PCGF2: variants seen among roughly 807,000 people sequenced by gnomAD.
The protein encoded by PCGF2 is polycomb group ring finger 2, also known as polycomb group RING finger protein 2.
Under a neutral mutation model 36.1 loss-of-function variants are expected in PCGF2, and 8 were observed. The ratio of observed to expected loss-of-function variants is 0.22; its 90% CI spans 0.13 to 0.40. The LOEUF is 0.40. Among genes scored for constraint, PCGF2 ranks in the 10% least tolerant of loss-of-function variants. The pLI is 1.00. For synonymous variants in PCGF2, 198 were observed against 191.2 expected (o/e 1.04, Z -0.29); for missense variants, 436 against 475.9 (o/e 0.92, Z 0.78).
In PCGF2 at chr17:38,739,546, C is replaced by T. The variant is rs952631243; in HGVS notation, c.209+40G>A. ...GTGGGAGGGATGGGGGAGGCTGACC[C>T]AGAGGATCGCGGGGACAGGAGGTGC... On this transcript the variant is annotated intron_variant, in intron 4 of 10. Coordinates refer to ENST00000620225, the MANE Select transcript of PCGF2 (RefSeq NM_007144.3). This position sits in a 1 kb window ranked among gnomAD's most constrained non-coding sequence, Gnocchi z 4.0. 3.4e-6 allele frequency: 5 copies of T among 1,480,198 alleles called. No homozygotes were observed. Among genetic ancestry groups the T allele is most frequent in the Non-Finnish European group, 4.7e-6 (5 of 1,057,914 alleles). The allele number at this position is 1,480,198 out of a possible 1,614,324, so 91.7% of individuals were successfully genotyped here. A position where few individuals can be genotyped will look rare whatever the true frequency, so the allele number is the denominator to read the frequency against.
chr17:38,745,129 G>T (rs1015617853), intron 2 of PCGF2, among the ~76,000 whole-genome samples: 4 of 152,158 alleles, frequency 2.6e-5, no homozygotes, highest in Admixed American at 1.3e-4. Flanking sequence ...TCAGGAGATC[G>T]AGACCATCCT....
rs1555625040 is a variant in PCGF2 at position 38,734,527 on chromosome 17, G to GAGAA, written c.*695_*696insTTCT. The GAGAA allele has an allele frequency of 6.9e-6, 1 of 144,264 alleles. No homozygotes were observed. The highest frequency in any genetic ancestry group is 1.5e-5 in the Non-Finnish European group (1 of 65,648). 8.9% of individuals were successfully genotyped at this position (144,264 alleles called of 1,614,324 possible). The stretch of plus-strand genomic sequence containing the variant: ...AATGATGCAAAGGCCACACACACAG[G>GAGAA]AAAAAAAAAAAAAGAGGCAGAACTA... On this transcript the variant is annotated 3_prime_UTR_variant, in exon 11 of 11. Coordinates refer to ENST00000620225, the MANE Select transcript of PCGF2 (RefSeq NM_007144.3).
intron 3 of PCGF2, 64 bp downstream of exon 3, chr17:38,740,227 G>A (rs1355561756): frequency 1.8e-5 from 26 of 1,440,966 alleles, no homozygotes; most frequent in African/African-American, 9.8e-5. Flanking sequence ...TCCTCAGGCC[G>A]TGCCCGCCCC....
In PCGF2 at chr17:38,739,961, G is replaced by A. The variant is rs1209012693; in HGVS notation, c.113-279C>T. Among the ~76,000 whole-genome samples the A allele has an allele frequency of 6.6e-6, 1 of 152,132 alleles. No homozygotes were observed. The highest frequency in any genetic ancestry group is 2.4e-5 in the African/African-American group (1 of 41,420). On this transcript the variant is annotated intron_variant, in intron 3 of 10. Transcript: ENST00000620225. This position sits in a 1 kb window ranked among gnomAD's most constrained non-coding sequence, Gnocchi z 4.0. The stretch of plus-strand genomic sequence containing the variant: ...TGGAGTGGGGGACAAAAGCCAGCGT[G>A]TTCAAGATGCCTCTGAGTCCCACCC...
At chr17:38,749,592 G>C (rs774191590), upstream of PCGF2, 7 of 454,296 alleles carry the variant, frequency 1.5e-5, no homozygotes, top group Non-Finnish European at 1.8e-5. The surrounding 1 kb of genome is among the most constrained non-coding windows in gnomAD (Gnocchi z 6.5). Context: ...TTATCCATCC[G>C]GCCAGCAGCG....
intron 2 of PCGF2, among the ~76,000 whole-genome samples, chr17:38,741,261 ACT>A (rs890123416): frequency 6.6e-6 from 1 of 151,152 alleles, no homozygotes; most frequent in African/African-American, 2.4e-5. Context: ...ACAGAGCGAG[ACT>A]CTGTCTAAAA....
intron 2 of PCGF2, chr17:38,746,684 C>T: frequency 6.5e-6 from 1 of 152,748 alleles, no homozygotes; most frequent in Non-Finnish European, 1.5e-5. Context: ...AGGCCAGGGG[C>T]AGCAGAGTCC....
chr17:38,744,644 C>T (rs1907426772), intron 2 of PCGF2, among the ~76,000 whole-genome samples: 1 of 152,210 alleles, frequency 6.6e-6, no homozygotes, highest in African/African-American at 2.4e-5. Flanking sequence ...GCATGAGCCA[C>T]CACACCCAGA....
At chr17:38,744,162 G>A (rs1475827371) in intron 2 of PCGF2, among the ~76,000 whole-genome samples, 5 of 152,176 alleles carry the variant, frequency 3.3e-5, no homozygotes, top group Non-Finnish European at 7.3e-5. Flanking sequence ...GCAAGGGTGT[G>A]TGTGACCCTT....
chr17:38,749,731 C>A (rs937413936), upstream of PCGF2: 1 of 455,124 alleles, frequency 2.2e-6, no homozygotes, highest in African/African-American at 2.0e-5. This position sits in a 1 kb window ranked among gnomAD's most constrained non-coding sequence, Gnocchi z 6.5. Context: ...CTGGGGGCCT[C>A]GGGTGAATGC....
intron 10 of PCGF2, 59 bp from the exon 11 acceptor site, chr17:38,735,659 C>T: frequency 6.8e-7 from 1 of 1,473,238 alleles, no homozygotes; most frequent in Non-Finnish European, 9.0e-7. Context: ...GAGACAGAGT[C>T]CAACTAAAGG....
Position 38,736,170 on chromosome 17 carries a change from C to A in PCGF2, c.577G>T (p.Val193Leu). 6.4e-7 allele frequency: 1 copy of A among 1,567,870 alleles called. No homozygotes were observed. The highest frequency in any genetic ancestry group is 8.7e-7 in the Non-Finnish European group (1 of 1,155,538). ...GGCTCGTCCTCGTACAGAACCTCCA[C>A]CTGGGGGAGGGAAGCGGAGGACACC... ...NKMDVPSKYK[V>L]EVLYEDEPLK... is the part of the protein sequence containing the mutation. Residue 193 changes from valine to leucine, a missense_variant and splice_region_variant, in exon 10 of 11, where the codon GTG becomes TTG. Around this residue, in one of 3 missense-constraint regions of PCGF2, gnomAD observed 227 missense variants for 212.9 expected, o/e 1.07. Transcript: ENST00000620225.
At chr17:38,742,409 C>A (rs1490950275) in intron 2 of PCGF2, among the ~76,000 whole-genome samples, 6 of 152,230 alleles carry the variant, frequency 3.9e-5, no homozygotes, top group Non-Finnish European at 8.8e-5. Flanking sequence ...AGGACCCAGA[C>A]AGCCAACAGA....
intron 9 of PCGF2, among the ~76,000 whole-genome samples, chr17:38,736,673 A>C (rs956449562): frequency 3.3e-5 from 5 of 152,070 alleles, no homozygotes; most frequent in Admixed American, 2.6e-4. Context: ...TCTCTACTAA[A>C]AATACAAAAA....
intron 9 of PCGF2, among the ~76,000 whole-genome samples, chr17:38,736,723 A>G (rs1906777520): frequency 6.6e-6 from 1 of 152,154 alleles, no homozygotes; most frequent in East Asian, 1.9e-4. Flanking sequence ...AGTCCCAGCT[A>G]CTCGGGAGGC....
Position 38,740,345 on chromosome 17 carries a change from G to T in PCGF2, c.58C>A (p.Leu20Ile), listed in dbSNP as rs1335630874. ...GCGTCGATGAAGTACCCCCCGCAGAGGGCACACATGAGGTGGGGGTTCAGC... is the reference window on the plus strand; with the variant it reads ...GCGTCGATGAAGTACCCCCCGCAGATGGCACACATGAGGTGGGGGTTCAGC... ...TELNPHLMCA[L>I]CGGYFIDATT... Residue 20 changes from leucine to isoleucine, a missense_variant, in exon 3 of 11, where the codon CTC becomes ATC. Physicochemically the swap from Leu to Ile is conservative, Grantham distance 5. This residue lies in a region of PCGF2 where 189 missense variants were observed against 219.3 expected (regional missense o/e 0.86). Coordinates refer to ENST00000620225, the MANE Select transcript of PCGF2 (RefSeq NM_007144.3). 2 of 1,612,394 alleles carry T rather than the reference G, an allele frequency of 1.2e-6. No individual in the cohort carries two copies. Among genetic ancestry groups the T allele is most frequent in the Non-Finnish European group, 1.7e-6 (2 of 1,178,670 alleles).
chr17:38,741,867 C>T (rs1907222646), intron 2 of PCGF2, among the ~76,000 whole-genome samples: 1 of 152,200 alleles, frequency 6.6e-6, no homozygotes, highest in South Asian at 2.1e-4. Flanking sequence ...TGCATGAGTG[C>T]TCCCTGTCCA....
At chr17:38,749,656 T>C (rs1907791640), upstream of PCGF2, 1 of 455,960 alleles carries the variant, frequency 2.2e-6, no homozygotes, top group Non-Finnish European at 4.4e-6. This position sits in a 1 kb window ranked among gnomAD's most constrained non-coding sequence, Gnocchi z 6.5. Flanking sequence ...GATAGGAATC[T>C]TCGCCCAGTT....
Position 38,736,181 on chromosome 17 carries a change from G to A in PCGF2, c.577-11C>T, listed in dbSNP as rs1297999592. On this transcript the variant is annotated splice_polypyrimidine_tract_variant and intron_variant, in intron 9 of 10. Coordinates refer to ENST00000620225, the MANE Select transcript of PCGF2 (RefSeq NM_007144.3). ...GTACAGAACCTCCACCTGGGGGAGGGAAGCGGAGGACACCATGACCCTGGC... is the reference window on the plus strand; with the variant it reads ...GTACAGAACCTCCACCTGGGGGAGGAAAGCGGAGGACACCATGACCCTGGC... 6.4e-7 allele frequency: 1 copy of A among 1,551,044 alleles called. No individual in the cohort carries two copies. The highest frequency in any genetic ancestry group is 8.8e-7 in the Non-Finnish European group (1 of 1,142,472).
Sources: gnomAD v4.1 joint callset for allele counts (sites outside exome capture counted in the v4.1 genomes callset) on GRCh38, gnomAD v4.1.1 for gene constraint, gnomAD v4.1.1 regional missense constraint, Gnocchi (gnomAD v3.1) non-coding constraint, MANE v1.5 for transcripts, NCBI Gene and HGNC (gene_info 2026-07-23, HGNC 2026-07-21) for gene names.